PTPRE: variants seen among roughly 807,000 people sequenced by gnomAD.
PTPRE encodes the protein protein tyrosine phosphatase receptor type E.
Under a neutral mutation model 102.0 loss-of-function variants are expected in PTPRE, and 51 were observed. The ratio of observed to expected loss-of-function variants is 0.50; its 90% CI spans 0.40 to 0.63. PTPRE has a LOEUF of 0.63. Among genes scored for constraint, PTPRE ranks in the 30% least tolerant of loss-of-function variants. The pLI is 0.00. For synonymous variants in PTPRE, 345 were observed against 348.2 expected (o/e 0.99, Z 0.10); for missense variants, 752 against 915.1 (o/e 0.82, Z 2.30).
At chr10:127,942,193 A>T (rs2135296602) in intron 1 of PTPRE, among the ~76,000 whole-genome samples, 1 of 152,302 alleles carries the variant, frequency 6.6e-6, no homozygotes, top group African/African-American at 2.4e-5. Context: ...GAGCTGTGAT[A>T]TCCAGGTAGA....
intron 2 of PTPRE, among the ~76,000 whole-genome samples, chr10:127,990,411 CAAAAAAAAAAAAAAA>C (rs60034358): frequency 1.5e-5 from 1 of 65,732 alleles, no homozygotes; most frequent in Non-Finnish European, 2.9e-5. Flanking sequence ...GACTCCACCT[CAAAAAAAAAAAAAAA>C]AAAAAAAGAA....
At chr10:127,974,122 C>T (rs934072067) in intron 1 of PTPRE, among the ~76,000 whole-genome samples, 14 of 152,198 alleles carry the variant, frequency 9.2e-5, no homozygotes, top group Non-Finnish European at 1.5e-5. Context: ...TTCTGCAGCC[C>T]CCTTGTGGCT....
chr10:127,962,665 AG>A (rs563627747), intron 1 of PTPRE, among the ~76,000 whole-genome samples: 117 of 152,334 alleles, frequency 7.7e-4, no homozygotes, highest in African/African-American at 2.8e-3. Context: ...GGAGGCCCTC[AG>A]CGGGGCGGCT....
intron 1 of PTPRE, among the ~76,000 whole-genome samples, chr10:127,947,428 C>G (rs929077943): frequency 1.3e-5 from 2 of 152,200 alleles, no homozygotes; most frequent in Non-Finnish European, 2.9e-5. Context: ...GGCCCATTCT[C>G]CCCTATGCTG....
intron 2 of PTPRE, among the ~76,000 whole-genome samples, chr10:128,019,843 T>C (rs1368685166): frequency 3.9e-5 from 6 of 152,202 alleles, no homozygotes; most frequent in Non-Finnish European, 7.4e-5. Flanking sequence ...AGAGGACCCC[T>C]GCCCCTCTCA....
intron 2 of PTPRE, among the ~76,000 whole-genome samples, chr10:127,988,688 A>C (rs1183428894): frequency 1.3e-5 from 2 of 152,170 alleles, no homozygotes; most frequent in Non-Finnish European, 2.9e-5. Context: ...GGGAAGAGGG[A>C]GGGAGGAGAG....
At chr10:127,908,855 A>G (rs1343020745) in intron 1 of PTPRE, among the ~76,000 whole-genome samples, 2 of 152,208 alleles carry the variant, frequency 1.3e-5, no homozygotes, top group Non-Finnish European at 2.9e-5. Flanking sequence ...GACAAGAGCT[A>G]GGAGCTAGAT....
intron 1 of PTPRE, among the ~76,000 whole-genome samples, chr10:127,928,309 C>A (rs1847178991): frequency 6.6e-6 from 1 of 152,230 alleles, no homozygotes; most frequent in African/African-American, 2.4e-5. Context: ...TCTCTGTGCC[C>A]TTGTTTCCTG....
At chr10:128,067,489 TAC>T (rs549724498) in intron 11 of PTPRE, among the ~76,000 whole-genome samples, 67 of 145,984 alleles carry the variant, frequency 4.6e-4, no homozygotes, top group Non-Finnish European at 8.5e-4. Context: ...CGTGCGCACA[TAC>T]ACACATTCAC....
chr10:128,074,388 T>G (rs115331490), intron 17 of PTPRE, among the ~76,000 whole-genome samples: 2,568 of 152,292 alleles, frequency 0.017, 89 homozygotes, highest in East Asian at 0.14. Flanking sequence ...CTGCTTTGCT[T>G]GGTGCGGTTG....
At chr10:128,032,429 A>G (rs1457046257) in intron 2 of PTPRE, among the ~76,000 whole-genome samples, 1 of 152,242 alleles carries the variant, frequency 6.6e-6, no homozygotes, top group Non-Finnish European at 1.5e-5. Context: ...CATAGGATGG[A>G]GACACCTGTG....
At chr10:127,984,524 T>G (rs895231529) in intron 2 of PTPRE, among the ~76,000 whole-genome samples, 1 of 152,186 alleles carries the variant, frequency 6.6e-6, no homozygotes, top group Non-Finnish European at 1.5e-5. Flanking sequence ...TGTGCTGCCT[T>G]GTCTGCTGCC....
chr10:128,079,419 C>CA (rs1028531394), intron 19 of PTPRE, 141 bp from the exon 20 acceptor site: 469 of 1,130,492 alleles, frequency 4.1e-4, no homozygotes, highest in Non-Finnish European at 4.9e-4. Context: ...TACAAATGAT[C>CA]AAAAAAAAAT....
chr10:127,938,807 GAGA>G (rs1848014004), intron 1 of PTPRE, among the ~76,000 whole-genome samples: 1 of 152,124 alleles, frequency 6.6e-6, no homozygotes, highest in Non-Finnish European at 1.5e-5. Context: ...TCTTAGAGTA[GAGA>G]TTGCCAGCAG....
At chr10:128,014,799 C>G (rs964778840) in intron 2 of PTPRE, among the ~76,000 whole-genome samples, 1 of 152,014 alleles carries the variant, frequency 6.6e-6, no homozygotes, top group South Asian at 2.1e-4. Context: ...CTGCATTTGA[C>G]GAGCCACTAT....
At chr10:127,988,647 A>T (rs1852335215) in intron 2 of PTPRE, among the ~76,000 whole-genome samples, 1 of 152,140 alleles carries the variant, frequency 6.6e-6, no homozygotes, top group Non-Finnish European at 1.5e-5. Flanking sequence ...GAACATAAAG[A>T]TGGAAACAAC....
intron 18 of PTPRE, among the ~76,000 whole-genome samples, chr10:128,077,345 C>T (rs1233749145): frequency 6.6e-6 from 1 of 152,232 alleles, no homozygotes; most frequent in Non-Finnish European, 1.5e-5. Flanking sequence ...CCAAGGATCC[C>T]GTAGGGGTTG....
chr10:127,938,323 T>C (rs1240959518), intron 1 of PTPRE, among the ~76,000 whole-genome samples: 1 of 152,190 alleles, frequency 6.6e-6, no homozygotes, highest in African/African-American at 2.4e-5. Flanking sequence ...AGGACTCTAA[T>C]TGTTGGATAG....
intron 2 of PTPRE, among the ~76,000 whole-genome samples, chr10:128,012,880 C>G (rs1845131860): frequency 6.6e-6 from 1 of 152,176 alleles, no homozygotes; most frequent in Non-Finnish European, 1.5e-5. Context: ...TTAAACAAGG[C>G]CTCCTTCCCT....
Sources: allele counts gnomAD v4.1 joint callset (sites outside exome capture counted in the v4.1 genomes callset), GRCh38; gene constraint gnomAD v4.1.1; transcripts MANE v1.5; gene names NCBI Gene and HGNC (gene_info 2026-07-23, HGNC 2026-07-21).